PRKG1: variants seen among roughly 807,000 people sequenced by gnomAD.
PRKG1 encodes the protein protein kinase cGMP-dependent 1.
A neutral mutation model predicts 88.1 loss-of-function variants in PRKG1; 35 were observed. That is an observed-to-expected ratio of 0.40 (90% CI 0.30 to 0.53). PRKG1 has a LOEUF of 0.53. Among genes scored for constraint, PRKG1 ranks in the 20% least tolerant of loss-of-function variants. The pLI, the probability that PRKG1 is intolerant of heterozygous loss-of-function variation, is 0.59. For synonymous variants in PRKG1, 303 were observed against 292.5 expected (o/e 1.04, Z -0.37); for missense variants, 540 against 839.8 (o/e 0.64, Z 4.41).
intron 3 of PRKG1, chr10:51,698,348 T>C (rs376951469): frequency 8.7e-6 from 14 of 1,614,020 alleles, no homozygotes; most frequent in Non-Finnish European, 1.1e-5. Flanking sequence ...ACCCCTTTGA[T>C]CTATCATGGG....
intron 3 of PRKG1, among the ~76,000 whole-genome samples, chr10:51,480,635 C>G (rs1371062203): frequency 1.3e-5 from 2 of 151,640 alleles, no homozygotes; most frequent in Non-Finnish European, 2.9e-5. Context: ...CATGGTGAAG[C>G]AGCCGTGAAC....
chr10:51,687,623 G>GAT (rs1235862560), intron 3 of PRKG1, among the ~76,000 whole-genome samples: 5 of 152,152 alleles, frequency 3.3e-5, no homozygotes, highest in Admixed American at 3.3e-4. Flanking sequence ...AAAATAATGA[G>GAT]ATTTGTGGGA....
At chr10:51,278,958 T>G (rs1054926930) in intron 2 of PRKG1, among the ~76,000 whole-genome samples, 120 of 152,200 alleles carry the variant, frequency 7.9e-4, no homozygotes, top group African/African-American at 2.4e-3. Flanking sequence ...ATTTCCTTCA[T>G]TTCTGCTCTG....
Position 51,009,687 on chromosome 10 carries a change from A to C in PRKG1, c.266+18043A>C, listed in dbSNP as rs145546856. Among the ~76,000 whole-genome samples the C allele has an allele frequency of 5.0e-4, 76 of 152,344 alleles. No homozygotes were observed. The East Asian group carries it at 0.013, about 26-fold the overall frequency. ...AAAATATAATTTAGAAATTTATGATAATATATTTCTTTCTGGGTCTATTTA... is the reference window on the plus strand; with the variant it reads ...AAAATATAATTTAGAAATTTATGATCATATATTTCTTTCTGGGTCTATTTA... On this transcript the variant is annotated intron_variant, in intron 1 of 17. Coordinates refer to the PRKG1 transcript ENST00000401604.
intron 3 of PRKG1, among the ~76,000 whole-genome samples, chr10:51,550,154 T>C (rs934731585): frequency 1.3e-5 from 2 of 152,102 alleles, no homozygotes; most frequent in African/African-American, 4.8e-5. Context: ...CTAAAACTTA[T>C]AAAATCCATT....
At chr10:51,491,471 C>T (rs74132511) in intron 3 of PRKG1, among the ~76,000 whole-genome samples, 2,612 of 152,096 alleles carry the variant, frequency 0.017, 54 homozygotes, top group African/African-American at 0.044. Context: ...ATAATACCTA[C>T]GGAAGCCACA....
chr10:51,735,880 TG>T (rs1311862618), intron 3 of PRKG1, among the ~76,000 whole-genome samples: 245 of 116,650 alleles, frequency 2.1e-3, no homozygotes, highest in African/African-American at 7.2e-3. Flanking sequence ...TATATATATA[TG>T]TATATTTATT....
intron 5 of PRKG1, among the ~76,000 whole-genome samples, chr10:51,983,579 A>G (rs1844071614): frequency 6.6e-6 from 1 of 152,158 alleles, no homozygotes; most frequent in African/African-American, 2.4e-5. Flanking sequence ...TAGGTCCCAC[A>G]GTTCCTCTAG....
At position 52,038,300 on chromosome 10, in the gene PRKG1, C is replaced by T. The variant is rs182998576; in HGVS notation, c.763-16184C>T. ...AGTAGAGAAACTGAGGGAAGGGGTT[C>T]GGGGGTTCTTACCTTCCAGAAAAGT... On this transcript the variant is annotated intron_variant, in intron 5 of 17. Transcript: ENST00000373980. Among the ~76,000 whole-genome samples the T allele has an allele frequency of 2.9e-3, 423 of 148,254 alleles. 3 individuals carry two copies. Among genetic ancestry groups the T allele is most frequent in the Admixed American group, 5.1e-3 (75 of 14,768 alleles).
intron 4 of PRKG1, among the ~76,000 whole-genome samples, chr10:51,836,820 C>G (rs376069988): frequency 6.6e-6 from 1 of 152,084 alleles, no homozygotes; most frequent in African/African-American, 2.4e-5. Flanking sequence ...TTTAATATAT[C>G]ATACTGCTGC....
chr10:51,213,415 A>G (rs1838285888), intron 2 of PRKG1, among the ~76,000 whole-genome samples: 1 of 152,246 alleles, frequency 6.6e-6, no homozygotes, highest in African/African-American at 2.4e-5. Context: ...ATGTATACAT[A>G]TGTAACAAAC....
At chr10:52,250,772 C>A (rs1841150344) in intron 9 of PRKG1, among the ~76,000 whole-genome samples, 1 of 152,130 alleles carries the variant, frequency 6.6e-6, no homozygotes, top group African/African-American at 2.4e-5. Flanking sequence ...AGCTCATATT[C>A]ACTTGTCTCA....
chr10:51,843,158 G>A (rs1029404825), intron 4 of PRKG1, among the ~76,000 whole-genome samples: 2 of 142,076 alleles, frequency 1.4e-5, no homozygotes, highest in Admixed American at 7.4e-5. Context: ...GTGCAGTGAC[G>A]CAATCTTGGC....
At chr10:51,354,652 T>C (rs1842326643) in intron 2 of PRKG1, among the ~76,000 whole-genome samples, 1 of 152,132 alleles carries the variant, frequency 6.6e-6, no homozygotes, top group South Asian at 2.1e-4. Flanking sequence ...TCCTAATTTA[T>C]TCTCCATGTT....
intron 1 of PRKG1, among the ~76,000 whole-genome samples, chr10:51,088,130 T>G (rs1378431620): frequency 4.6e-5 from 7 of 152,320 alleles, no homozygotes; most frequent in Admixed American, 2.6e-4. Context: ...GATTCATACA[T>G]AGAAAGTTTT....
chr10:51,044,010 T>G (rs1014928174), intron 1 of PRKG1, among the ~76,000 whole-genome samples: 5 of 152,150 alleles, frequency 3.3e-5, no homozygotes, highest in African/African-American at 1.2e-4. Flanking sequence ...ATGATAACCC[T>G]AAGAAGAAAA....
chr10:52,144,160 A>G (rs1837662185), intron 8 of PRKG1, among the ~76,000 whole-genome samples: 1 of 152,320 alleles, frequency 6.6e-6, no homozygotes, highest in African/African-American at 2.4e-5. Context: ...AAGGACCTGT[A>G]TAGAAGACAA....
At chr10:51,717,439 T>A (rs1226974628) in intron 3 of PRKG1, among the ~76,000 whole-genome samples, 1 of 152,146 alleles carries the variant, frequency 6.6e-6, no homozygotes, top group East Asian at 1.9e-4. Flanking sequence ...CTGTGCTGAT[T>A]TAATGTAAAG....
At chr10:51,990,753 T>C (rs1438663242) in intron 5 of PRKG1, among the ~76,000 whole-genome samples, 2 of 152,104 alleles carry the variant, frequency 1.3e-5, no homozygotes, top group Non-Finnish European at 2.9e-5. Context: ...CAGTGTCTGT[T>C]GTTCCTCTCT....
Sources: gnomAD v4.1 joint callset for allele counts (sites outside exome capture counted in the v4.1 genomes callset) on GRCh38, gnomAD v4.1.1 for gene constraint, MANE v1.5 for transcripts, NCBI Gene and HGNC (gene_info 2026-07-23, HGNC 2026-07-21) for gene names.